Variants in EYA4 observed in about 807,000 individuals in gnomAD.
EYA4 encodes EYA transcriptional coactivator and phosphatase 4.
Under a neutral mutation model 87.9 loss-of-function variants are expected in EYA4, and 31 were observed. The observed-to-expected ratio is 0.35, with a 90% CI of 0.27 to 0.48. The LOEUF (loss-of-function observed/expected upper bound fraction) is 0.48. Among genes scored for constraint, EYA4 ranks in the 20% least tolerant of loss-of-function variants. EYA4 has a pLI of 0.99. For synonymous variants in EYA4, 263 were observed against 270.6 expected (o/e 0.97, Z 0.28); for missense variants, 678 against 761.4 (o/e 0.89, Z 1.29).
chr6:133,333,855 A>G (rs1172497990), intron 2 of EYA4, among the ~76,000 whole-genome samples: 1 of 152,338 alleles, frequency 6.6e-6, no homozygotes, highest in African/African-American at 2.4e-5. Flanking sequence ...TGTTACTACT[A>G]TGTAAAGACA....
In EYA4 at chr6:133,446,680, G is replaced by A; in HGVS notation, c.134G>A (p.Gly45Asp). The A allele has an allele frequency of 1.2e-6, 2 of 1,613,600 alleles. No individual in the cohort carries two copies. Among genetic ancestry groups the A allele is most frequent in the Middle Eastern group, 1.7e-4 (1 of 6,060 alleles). Residue 45 changes from glycine (G) to aspartate (D), a missense_variant, in exon 4 of 20, where the codon GGT becomes GAT. Transcript: ENST00000355286. ...AGTCCTCATACTCTTGTTGGAGGTG[G>A]TGATACTCCAGGTAGCTCCAAACTG... The part of the protein sequence containing the change: ...LASPHTLVGG[G>D]DTPGSSKLEK...
At chr6:133,284,052 A>G (rs184074499) in intron 2 of EYA4, among the ~76,000 whole-genome samples, 12 of 152,332 alleles carry the variant, frequency 7.9e-5, no homozygotes, top group Admixed American at 7.8e-4. Flanking sequence ...TGCTTCCATC[A>G]ACTTACATGA....
chr6:133,341,329 C>T (rs1262349764), intron 2 of EYA4, among the ~76,000 whole-genome samples: 2 of 152,186 alleles, frequency 1.3e-5, no homozygotes, highest in Non-Finnish European at 2.9e-5. Flanking sequence ...TAAATTCATT[C>T]ACCTGTCCAT....
chr6:133,287,863 G>A (rs566434866), intron 2 of EYA4, among the ~76,000 whole-genome samples: 193 of 152,246 alleles, frequency 1.3e-3, no homozygotes, highest in African/African-American at 4.3e-3. Context: ...GGCCGGGCAC[G>A]GTGGCTCATG....
intron 3 of EYA4, among the ~76,000 whole-genome samples, chr6:133,388,143 C>T (rs1245246226): frequency 6.6e-6 from 1 of 152,092 alleles, no homozygotes; most frequent in Non-Finnish European, 1.5e-5. Flanking sequence ...CACAGTGGCT[C>T]ACCCTATAAA....
chr6:133,392,510 G>A lies in EYA4; in HGVS notation c.83+10069G>A, dbSNP rs576281399. Reference sequence around the variant, plus strand: ...ATGACAGATCAACCGTGACTCAGGTGCTTGGAGGCAGGGAGACCAGCTATG... The same window carrying A: ...ATGACAGATCAACCGTGACTCAGGTACTTGGAGGCAGGGAGACCAGCTATG... On this transcript the variant is annotated intron_variant, in intron 3 of 19. Coordinates refer to ENST00000355286, the MANE Select transcript of EYA4 (RefSeq NM_004100.5). Among the ~76,000 whole-genome samples, 19 of 152,268 alleles carry A rather than the reference G, an allele frequency of 1.2e-4. No individual in the cohort carries two copies. In the South Asian group the frequency reaches 3.9e-3, roughly 32 times the overall value.
At chr6:133,249,187 C>T (rs1774681954) in intron 1 of EYA4, among the ~76,000 whole-genome samples, 2 of 152,146 alleles carry the variant, frequency 1.3e-5, no homozygotes, top group South Asian at 4.1e-4. Flanking sequence ...TATATTTTTA[C>T]ATACCATTCC....
At chr6:133,268,537 T>C (rs1388016215) in intron 1 of EYA4, among the ~76,000 whole-genome samples, 1 of 152,094 alleles carries the variant, frequency 6.6e-6, no homozygotes, top group Non-Finnish European at 1.5e-5. Flanking sequence ...TCTGGGAGAA[T>C]AGAGGGATTG....
At chr6:133,311,723 C>G (rs1780234327) in intron 2 of EYA4, among the ~76,000 whole-genome samples, 1 of 152,198 alleles carries the variant, frequency 6.6e-6, no homozygotes, top group African/African-American at 2.4e-5. Flanking sequence ...CCTGCAAAGC[C>G]TGCATGGTCT....
chr6:133,345,126 TCTTATCTAGC>T (rs1783095210), intron 2 of EYA4, among the ~76,000 whole-genome samples: 1 of 152,178 alleles, frequency 6.6e-6, no homozygotes, highest in South Asian at 2.1e-4. Flanking sequence ...GGACCCATGA[TCTTATCTAGC>T]CTTTTGAAAT....
intron 13 of EYA4, 113 bp downstream of exon 13, chr6:133,483,228 A>C (rs1796374446): frequency 2.7e-6 from 2 of 749,372 alleles, no homozygotes; most frequent in Admixed American, 2.2e-5. Flanking sequence ...CAGTCTGTGA[A>C]ATCTTCTCTT....
chr6:133,253,771 C>A (rs1255905393), intron 1 of EYA4, among the ~76,000 whole-genome samples: 1 of 152,112 alleles, frequency 6.6e-6, no homozygotes, highest in Non-Finnish European at 1.5e-5. Context: ...AATACCATAG[C>A]ACTTTTTTTG....
chr6:133,465,813 A>C (rs546061656), intron 10 of EYA4, among the ~76,000 whole-genome samples: 2 of 152,244 alleles, frequency 1.3e-5, no homozygotes, highest in South Asian at 4.1e-4. Context: ...AGTTTTATTG[A>C]TATCACAAAA....
intron 3 of EYA4, among the ~76,000 whole-genome samples, chr6:133,409,849 AAAAG>A (rs1336711420): frequency 6.6e-6 from 1 of 152,190 alleles, no homozygotes; most frequent in African/African-American, 2.4e-5. Flanking sequence ...TCTTTCACAA[AAAAG>A]AAAGGTGACT....
In EYA4 at chr6:133,505,952, T is replaced by A. The variant is rs1468257819; in HGVS notation, c.1192-154T>A. ...TGGTATGTCTGAACCTTCTGGAAAG[T>A]CACCTTTTTGGAAAACTGAGAAATC... On this transcript the variant is annotated intron_variant, in intron 13 of 19. Transcript: ENST00000355286. The A allele has an allele frequency of 2.0e-5, 13 of 637,530 alleles. No individual in the cohort carries two copies. In the East Asian group the frequency reaches 3.4e-4, roughly 17 times the overall value. The allele number at this position is 637,530 out of a possible 1,614,324, so 39.5% of individuals were successfully genotyped here.
In EYA4 at chr6:133,294,041, ATATATATATATATATATATAT is replaced by A. The variant is rs1778727995; in HGVS notation, c.33+19229_33+19249del. Among the ~76,000 whole-genome samples, 18 of 87,400 alleles carry A rather than the reference ATATATATATATATATATATAT, an allele frequency of 2.1e-4. 2 individuals are homozygous for A. Among genetic ancestry groups the A allele is most frequent in the Middle Eastern group, 9.9e-3 (2 of 202 alleles). The allele number at this position is 87,400 out of a possible 152,430, so 57.3% of individuals were successfully genotyped here. ...GGTGATTTTATATATATATATATAT[ATATATATATATATATATATAT>A]AATTCTATTCTATATATAACATTCT... On this transcript the variant is annotated intron_variant, in intron 2 of 19. Transcript: ENST00000355286.
chr6:133,317,183 A>G (rs1248238183), intron 2 of EYA4, among the ~76,000 whole-genome samples: 1 of 152,218 alleles, frequency 6.6e-6, no homozygotes, highest in Non-Finnish European at 1.5e-5. Context: ...CTGAGACATT[A>G]AGAAAGAGAT....
At chr6:133,526,556 C>T (rs571218759) in intron 19 of EYA4, among the ~76,000 whole-genome samples, 97 of 152,284 alleles carry the variant, frequency 6.4e-4, no homozygotes, top group African/African-American at 8.4e-4. Flanking sequence ...ACTTGCTTTT[C>T]GATTACATTT....
chr6:133,470,830 G>C, intron 11 of EYA4, among the ~76,000 whole-genome samples: 1 of 79,474 alleles, frequency 1.3e-5, no homozygotes, highest in Non-Finnish European at 2.5e-5. Context: ...TGGATTCCTA[G>C]GTATTTTATT....
Sources: gnomAD v4.1 joint callset for allele counts (sites outside exome capture counted in the v4.1 genomes callset) on GRCh38, gnomAD v4.1.1 for gene constraint, MANE v1.5 for transcripts, NCBI Gene and HGNC (gene_info 2026-07-23, HGNC 2026-07-21) for gene names.